The following SH3PXD2B variants were observed in gnomAD, a reference collection of about 807,000 sequenced individuals.
SH3PXD2B encodes the protein SH3 and PX domains 2B.
Under a neutral mutation model 73.1 loss-of-function variants are expected in SH3PXD2B, and 37 were observed. The observed-to-expected ratio is 0.51, with a 90% CI of 0.39 to 0.67. SH3PXD2B has a LOEUF of 0.67. Ranked by LOEUF, SH3PXD2B falls within the 30% of genes least tolerant of loss-of-function variation. The pLI, the probability that SH3PXD2B is intolerant of heterozygous loss-of-function variation, is 0.00. For synonymous variants in SH3PXD2B, 457 were observed against 480.5 expected (o/e 0.95, Z 0.64); for missense variants, 1,053 against 1,197.8 (o/e 0.88, Z 1.78).
chr5:172,439,238 G>GAA (rs922645535), intron 1 of SH3PXD2B, among the ~76,000 whole-genome samples: 1 of 33,236 alleles, frequency 3.0e-5, no homozygotes, highest in African/African-American at 1.4e-4. Context: ...AGAAAAAACA[G>GAA]AAAAAAAAAA....
chr5:172,325,921 G>A (rs1581250688), intron 12 of SH3PXD2B, among the ~76,000 whole-genome samples: 4 of 152,244 alleles, frequency 2.6e-5, no homozygotes, highest in South Asian at 4.1e-4. Context: ...CCTAGTAGCT[G>A]GGATTACAGG....
At position 172,336,535 on chromosome 5, in the gene SH3PXD2B, G is replaced by A; in HGVS notation, c.*1834C>T. The stretch of plus-strand genomic sequence containing the variant: ...AGAAGCAGCCAGCACCCACGTGATA[G>A]GGGGTGGAGCTGGGAGGCGCGGCAG... On this transcript the variant is annotated 3_prime_UTR_variant, in exon 13 of 13. Coordinates refer to ENST00000311601, the MANE Select transcript of SH3PXD2B (RefSeq NM_001017995.3). 2 of 985,910 alleles carry A rather than the reference G, an allele frequency of 2.0e-6. No individual in the cohort carries two copies. The highest frequency in any genetic ancestry group is 2.4e-6 in the Non-Finnish European group (2 of 829,956). 61.1% of individuals were successfully genotyped at this position (985,910 alleles called of 1,614,324 possible).
intron 8 of SH3PXD2B, among the ~76,000 whole-genome samples, chr5:172,354,332 GCC>G (rs1365898652): frequency 6.6e-6 from 1 of 151,982 alleles, no homozygotes; most frequent in Non-Finnish European, 1.5e-5. Flanking sequence ...CCGGTTTATT[GCC>G]CCCCACCCAT....
chr5:172,366,043 C>T (rs1757512647), intron 6 of SH3PXD2B, among the ~76,000 whole-genome samples: 1 of 152,224 alleles, frequency 6.6e-6, no homozygotes, highest in African/African-American at 2.4e-5. Flanking sequence ...AAAGCACCCA[C>T]TTCACAGCCA....
rs1255879227 is a variant in SH3PXD2B, at chr5:172,336,552, G to A, written c.*1817C>T. Reference sequence around the variant, plus strand: ...ACGTGATAGGGGGTGGAGCTGGGAGGCGCGGCAGAAGAGGGCTGTTCAAGC... The same window carrying A: ...ACGTGATAGGGGGTGGAGCTGGGAGACGCGGCAGAAGAGGGCTGTTCAAGC... On this transcript the variant is annotated 3_prime_UTR_variant, in exon 13 of 13. Transcript: ENST00000311601. The A allele has an allele frequency of 3.0e-6, 3 of 985,990 alleles. No homozygotes were observed. Among genetic ancestry groups the A allele is most frequent in the Non-Finnish European group, 3.6e-6 (3 of 830,088 alleles). 61.1% of individuals were successfully genotyped at this position (985,990 alleles called of 1,614,324 possible).
In SH3PXD2B at chr5:172,339,033, C is replaced by T. The variant is rs768981267; in HGVS notation, c.2072G>A (p.Gly691Asp). ...GCTTCGGCTGAAGGCCACGTCTTGG[C>T]CCCCTACTGCCTGGGGGCCCTCCCC... Reference protein sequence around the residue: ...LDGEGPQAVGGQDVAFSRSFL... With the variant: ...LDGEGPQAVGDQDVAFSRSFL... The change falls in exon 13 of 13, where the codon GGC (glycine) becomes GAC (aspartate). Residue 691 changes from glycine to aspartate, a missense_variant. Around this residue, in one of 2 missense-constraint regions of SH3PXD2B, gnomAD observed 587 missense variants for 590.7 expected, o/e 0.99. Transcript: ENST00000311601. The surrounding 1 kb of genome is among the most constrained non-coding windows in gnomAD (Gnocchi z 6.1). 13 of 1,614,056 alleles carry T rather than the reference C, an allele frequency of 8.1e-6. No homozygotes were observed. The highest frequency in any genetic ancestry group is 2.7e-5 in the African/African-American group (2 of 74,952).
intron 7 of SH3PXD2B, among the ~76,000 whole-genome samples, chr5:172,361,572 G>A (rs895352773): frequency 6.6e-5 from 10 of 152,096 alleles, no homozygotes; most frequent in East Asian, 5.8e-4. Flanking sequence ...CTGTCTTTAC[G>A]TCCCCATGGT....
At chr5:172,375,564 T>C (rs994968198) in intron 5 of SH3PXD2B, among the ~76,000 whole-genome samples, 2 of 152,218 alleles carry the variant, frequency 1.3e-5, no homozygotes, top group African/African-American at 4.8e-5. Context: ...TCTCTAACGA[T>C]TTGCCTATTC....
intron 8 of SH3PXD2B, among the ~76,000 whole-genome samples, chr5:172,357,316 C>T (rs755424876): frequency 2.0e-5 from 3 of 150,110 alleles, no homozygotes; most frequent in East Asian, 2.0e-4. Context: ...CTCAGCTACT[C>T]GAGAGGCTGA....
At chr5:172,417,867 G>A (rs1461365210) in intron 2 of SH3PXD2B, among the ~76,000 whole-genome samples, 1 of 152,108 alleles carries the variant, frequency 6.6e-6, no homozygotes, top group African/African-American at 2.4e-5. Flanking sequence ...TATCCATAAG[G>A]TTATGCCTCC....
intron 1 of SH3PXD2B, among the ~76,000 whole-genome samples, chr5:172,449,053 T>A (rs1289524762): frequency 6.6e-6 from 1 of 152,212 alleles, no homozygotes; most frequent in East Asian, 1.9e-4. Flanking sequence ...CAAACTCAGC[T>A]GCTCAGCACA....
chr5:172,337,473 G>T lies in SH3PXD2B; in HGVS notation c.*896C>A, dbSNP rs1204284621. On this transcript the variant is annotated 3_prime_UTR_variant, in exon 13 of 13. Coordinates refer to ENST00000311601, the MANE Select transcript of SH3PXD2B (RefSeq NM_001017995.3). ...TCAAAGCATGAATGCAAAGCGCCAA[G>T]TACAGTGTTTGGCACCCACGAGGCA... 4 of 983,698 alleles carry T rather than the reference G, an allele frequency of 4.1e-6. No homozygotes were observed. The highest frequency in any genetic ancestry group is 4.8e-6 in the Non-Finnish European group (4 of 828,456). The allele number at this position is 983,698 out of a possible 1,614,324, so 60.9% of individuals were successfully genotyped here.
chr5:172,450,197 T>C (rs1393845595), intron 1 of SH3PXD2B, among the ~76,000 whole-genome samples: 1 of 152,100 alleles, frequency 6.6e-6, no homozygotes, highest in Non-Finnish European at 1.5e-5. Flanking sequence ...GGGTGAATTT[T>C]ATGGTATGTA....
At chr5:172,394,249 G>A (rs941508724) in intron 4 of SH3PXD2B, among the ~76,000 whole-genome samples, 5 of 152,116 alleles carry the variant, frequency 3.3e-5, no homozygotes, top group African/African-American at 1.2e-4. Context: ...CCAGTCAAGA[G>A]GATGTTTTAA....
intron 4 of SH3PXD2B, among the ~76,000 whole-genome samples, chr5:172,384,228 G>A (rs1349574182): frequency 6.6e-6 from 1 of 152,062 alleles, no homozygotes; most frequent in Non-Finnish European, 1.5e-5. Flanking sequence ...CAGCAGTACT[G>A]GGCTCTCGTG....
Position 172,337,899 on chromosome 5 carries a change from G to A in SH3PXD2B, c.*470C>T. On this transcript the variant is annotated 3_prime_UTR_variant, in exon 13 of 13. Coordinates refer to ENST00000311601, the MANE Select transcript of SH3PXD2B (RefSeq NM_001017995.3). ...TCTGGTAGCAGGCAATTTAGGAGGAGTGAATAAAGCCACTGGGCTTTTAGA... is the reference window on the plus strand; with the variant it reads ...TCTGGTAGCAGGCAATTTAGGAGGAATGAATAAAGCCACTGGGCTTTTAGA... 2 of 1,015,874 alleles carry A rather than the reference G, an allele frequency of 2.0e-6. No individual in the cohort carries two copies. The highest frequency in any genetic ancestry group is 2.4e-6 in the Non-Finnish European group (2 of 847,782). The allele number at this position is 1,015,874 out of a possible 1,614,324, so 62.9% of individuals were successfully genotyped here.
chr5:172,358,588 G>T (rs1757331100), intron 8 of SH3PXD2B, among the ~76,000 whole-genome samples, 185 bp downstream of exon 8: 1 of 152,192 alleles, frequency 6.6e-6, no homozygotes, highest in Non-Finnish European at 1.5e-5. Context: ...AGAGAGGGCG[G>T]GCTTGCCCCT....
At chr5:172,331,555 GC>G (rs947802929), downstream of SH3PXD2B, among the ~76,000 whole-genome samples, 16 of 152,200 alleles carry the variant, frequency 1.1e-4, no homozygotes, top group African/African-American at 3.4e-4. Context: ...GGAGAAGCGT[GC>G]CCCCGTGATG....
chr5:172,415,561 G>C (rs1490883348), intron 2 of SH3PXD2B, among the ~76,000 whole-genome samples: 1 of 152,176 alleles, frequency 6.6e-6, no homozygotes, highest in Non-Finnish European at 1.5e-5. Flanking sequence ...CTGTGAAATG[G>C]ATACAATACT....
Sources: allele counts gnomAD v4.1 joint callset (sites outside exome capture counted in the v4.1 genomes callset), GRCh38; gene constraint gnomAD v4.1.1; regional missense constraint gnomAD v4.1.1; non-coding constraint Gnocchi (gnomAD v3.1); transcripts MANE v1.5; gene names NCBI Gene and HGNC (gene_info 2026-07-23, HGNC 2026-07-21).